The following HIVEP1 variants were observed in gnomAD, a reference collection of about 807,000 sequenced individuals.
HIVEP1 encodes the protein HIVEP zinc finger 1, also known as zinc finger protein 40.
HIVEP1 carries 36 observed loss-of-function variants against 180.0 expected under a neutral mutation model. The observed-to-expected ratio is 0.20, with a 90% CI of 0.15 to 0.26. The LOEUF is 0.26. HIVEP1 is among the 10% of genes least tolerant of loss of function. HIVEP1 has a pLI of 1.00. For synonymous variants in HIVEP1, 1,239 were observed against 1,239.0 expected (o/e 1.00, Z 0.00); for missense variants, 3,143 against 3,268.7 (o/e 0.96, Z 0.94).
intron 2 of HIVEP1, among the ~76,000 whole-genome samples, chr6:12,050,534 C>T (rs901961494): frequency 1.3e-5 from 2 of 151,410 alleles, no homozygotes; most frequent in Admixed American, 6.6e-5. Context: ...TGCAGTGAGC[C>T]GAGATCACGC....
upstream of HIVEP1, among the ~76,000 whole-genome samples, chr6:12,010,524 A>G (rs1212894214): frequency 6.6e-6 from 1 of 152,234 alleles, no homozygotes; most frequent in Non-Finnish European, 1.5e-5. Flanking sequence ...AAGTTTGCAC[A>G]GATGGCCAGC....
At chr6:12,160,488 G>A (rs1760328712) in intron 7 of HIVEP1, among the ~76,000 whole-genome samples, 1 of 152,174 alleles carries the variant, frequency 6.6e-6, no homozygotes, top group Non-Finnish European at 1.5e-5. Flanking sequence ...AAAAGAAGAA[G>A]CTAAAGCACA....
chr6:12,043,354 AATTTTTTTTTTT>A (rs1193702387), intron 2 of HIVEP1, among the ~76,000 whole-genome samples: 2 of 140,332 alleles, frequency 1.4e-5, no homozygotes, highest in South Asian at 2.4e-4. Flanking sequence ...TCTAAGTGAA[AATTTTTTTTTTT>A]TTTTTTTTTT....
Position 12,125,256 on chromosome 6 carries a change from C to G in HIVEP1, c.5461C>G (p.Pro1821Ala), listed in dbSNP as rs1195650046. The G allele has an allele frequency of 6.2e-7, 1 of 1,614,040 alleles. No individual in the cohort carries two copies. ...VMLEKDVFSQPEISNEAVNLT... is the reference protein window; with the variant it reads ...VMLEKDVFSQAEISNEAVNLT... ...GTTGGAAAAGGATGTTTTTTCTCAA[C>G]CTGAAATTAGTAATGAGGCTGTTAA... Residue 1821 changes from proline to alanine, a missense_variant, in exon 4 of 9, where the codon CCT becomes GCT. Around this residue, in one of 12 missense-constraint regions of HIVEP1, gnomAD observed 1,357 missense variants for 1,260.5 expected, o/e 1.08. Transcript: ENST00000379388.
chr6:12,013,364 A>G (rs779972137), intron 1 of HIVEP1, among the ~76,000 whole-genome samples: 1 of 151,974 alleles, frequency 6.6e-6, no homozygotes, highest in Admixed American at 6.5e-5. Flanking sequence ...TGTAGTATTT[A>G]TTTCTTTCCC....
At chr6:12,015,154 A>G (rs1456186031) in intron 1 of HIVEP1, among the ~76,000 whole-genome samples, 5 of 152,252 alleles carry the variant, frequency 3.3e-5, no homozygotes, top group Non-Finnish European at 7.3e-5. Context: ...AGTTAACTCT[A>G]AAACAAGATG....
rs1767420102 is a variant in HIVEP1, at chr6:12,012,575, C to A, written c.-104+9C>A. Reference sequence around the variant, plus strand: ...GGGCGTCCTGGCAGCAGGTTCGGCGCGGGCTCCGCGGCGGGGGCGCTGCAG... The same window carrying A: ...GGGCGTCCTGGCAGCAGGTTCGGCGAGGGCTCCGCGGCGGGGGCGCTGCAG... On this transcript the variant is annotated intron_variant, in intron 1 of 8. Coordinates refer to ENST00000379388, the MANE Select transcript of HIVEP1 (RefSeq NM_002114.4). 2 of 130,038 alleles carry A rather than the reference C, an allele frequency of 1.5e-5. No homozygotes were observed. The highest frequency in any genetic ancestry group is 1.6e-4 in the Admixed American group (2 of 12,166). 8.1% of individuals were successfully genotyped at this position (130,038 alleles called of 1,614,324 possible).
the HIVEP1 span, among the ~76,000 whole-genome samples, chr6:12,177,486 G>A: frequency 7.2e-5 from 11 of 152,248 alleles, no homozygotes; most frequent in Non-Finnish European, 1.5e-4. Flanking sequence ...TCTATAAAAT[G>A]GGCCTAATGA....
intron 2 of HIVEP1, among the ~76,000 whole-genome samples, chr6:12,051,001 C>CATATATATATATATATATATATATAT (rs1161977899): frequency 5.2e-5 from 4 of 77,598 alleles, no homozygotes; most frequent in Non-Finnish European, 7.7e-5. Context: ...TACACAAGTG[C>CATATATATATATATATATATATATAT]ATATATATAT....
At chr6:12,177,148 C>T in the HIVEP1 span, among the ~76,000 whole-genome samples, 1 of 152,050 alleles carries the variant, frequency 6.6e-6, no homozygotes, top group Non-Finnish European at 1.5e-5. Flanking sequence ...GAACAGCAGA[C>T]ACTGGGATCT....
At position 12,013,075 on chromosome 6, in the gene HIVEP1, G is replaced by T. The variant is rs531649311; in HGVS notation, c.-104+509G>T. ...GGGCTCGGGAAGGAGTTGCTGGCTG[G>T]AGAGGGGAGGGGGCGGCGGCGGAGC... On this transcript the variant is annotated intron_variant, in intron 1 of 8. Coordinates refer to ENST00000379388, the MANE Select transcript of HIVEP1 (RefSeq NM_002114.4). Among the ~76,000 whole-genome samples the T allele has an allele frequency of 2.0e-5, 3 of 152,188 alleles. No homozygotes were observed. In the East Asian group the frequency reaches 5.8e-4, roughly 30 times the overall value.
the HIVEP1 span, among the ~76,000 whole-genome samples, chr6:12,179,552 G>A: frequency 6.6e-6 from 1 of 152,204 alleles, no homozygotes; most frequent in African/African-American, 2.4e-5. Flanking sequence ...CCAACAATTA[G>A]TTAATGAGTT....
chr6:12,204,045 C>G, the HIVEP1 span, among the ~76,000 whole-genome samples: 1 of 151,834 alleles, frequency 6.6e-6, no homozygotes, highest in Non-Finnish European at 1.5e-5. Flanking sequence ...CCACTGCACT[C>G]CAGCCTGGGC....
chr6:12,187,539 A>G, the HIVEP1 span, among the ~76,000 whole-genome samples: 4 of 151,828 alleles, frequency 2.6e-5, no homozygotes, highest in Non-Finnish European at 5.9e-5. Flanking sequence ...CTTGCTGGAT[A>G]TAGATCCCCA....
intron 2 of HIVEP1, among the ~76,000 whole-genome samples, chr6:12,070,381 T>C (rs1771889397): frequency 6.6e-6 from 1 of 152,110 alleles, no homozygotes; most frequent in Non-Finnish European, 1.5e-5. Flanking sequence ...AAAGCCCAAA[T>C]ATCACTAGGC....
At chr6:12,015,701 G>A (rs1369544944) in intron 2 of HIVEP1, 33 bp downstream of exon 2, 5 of 1,588,500 alleles carry the variant, frequency 3.1e-6, no homozygotes, top group Non-Finnish European at 4.3e-6. Flanking sequence ...AGTAAGGCTT[G>A]CTGTAAATCT....
the HIVEP1 span, among the ~76,000 whole-genome samples, chr6:12,173,457 G>A: frequency 6.6e-6 from 1 of 152,068 alleles, no homozygotes; most frequent in South Asian, 2.1e-4. Context: ...AAATGAAGGC[G>A]TTTATACATT....
At chr6:12,068,012 C>T (rs952012245) in intron 2 of HIVEP1, among the ~76,000 whole-genome samples, 3 of 151,914 alleles carry the variant, frequency 2.0e-5, no homozygotes, top group East Asian at 1.9e-4. Context: ...ATTTCTGATT[C>T]GTGCTGGTGA....
At chr6:12,017,074 G>A (rs961880713) in intron 2 of HIVEP1, among the ~76,000 whole-genome samples, 3 of 152,132 alleles carry the variant, frequency 2.0e-5, no homozygotes, top group Admixed American at 2.0e-4. Flanking sequence ...TTATTTATTA[G>A]GCCATAAGTA....
Sources: gnomAD v4.1 joint callset for allele counts (sites outside exome capture counted in the v4.1 genomes callset) on GRCh38, gnomAD v4.1.1 for gene constraint, gnomAD v4.1.1 regional missense constraint, MANE v1.5 for transcripts, NCBI Gene and HGNC (gene_info 2026-07-23, HGNC 2026-07-21) for gene names.